Variants in CRACR2A observed in about 807,000 individuals in gnomAD.
The protein encoded by CRACR2A is calcium release activated channel regulator 2A.
A neutral mutation model predicts 90.5 loss-of-function variants in CRACR2A; 79 were observed. The ratio of observed to expected loss-of-function variants is 0.87; its 90% CI spans 0.73 to 1.05. The LOEUF (loss-of-function observed/expected upper bound fraction) is 1.05, where lower values mean the gene tolerates loss of function less well. Among genes scored for constraint, CRACR2A ranks in the 50% least tolerant of loss-of-function variants. CRACR2A has a pLI of 0.00. For missense variants in CRACR2A, 823 were observed against 897.2 expected (o/e 0.92, Z 1.06); for synonymous variants, 338 against 356.7 (o/e 0.95, Z 0.59).
intron 13 of CRACR2A, among the ~76,000 whole-genome samples, chr12:3,640,145 C>T (rs1460935269): frequency 6.6e-6 from 1 of 152,254 alleles, no homozygotes; most frequent in Non-Finnish European, 1.5e-5. Context: ...ACCTGCATCA[C>T]GGCATGACTG....
At position 3,616,995 on chromosome 12, in the gene CRACR2A, G is replaced by A. The variant is rs773120957; in HGVS notation, c.2070C>T (p.Tyr690=). ...GGGACTCTTTGGTGTTGTGACCAGA[G>A]TAGGCGCTGCATTCATAGAAGATCA... ...NNLIFYECSA[Y]SGHNTKESLL... The change falls in exon 19 of 20, where the codon TAC becomes TAT. Residue 690 remains tyrosine (Y), a synonymous_variant. Transcript: ENST00000440314. 6.4e-7 allele frequency: 1 copy of A among 1,551,664 alleles called. No individual in the cohort carries two copies. The highest frequency in any genetic ancestry group is 1.2e-5 in the South Asian group (1 of 84,062).
intron 10 of CRACR2A, among the ~76,000 whole-genome samples, chr12:3,651,664 C>T (rs982595134): frequency 6.6e-6 from 1 of 152,138 alleles, no homozygotes; most frequent in Non-Finnish European, 1.5e-5. Flanking sequence ...AGTGACTAAG[C>T]CTGTTTACCT....
intron 7 of CRACR2A, among the ~76,000 whole-genome samples, chr12:3,667,227 G>A (rs138883516): frequency 1.4e-3 from 219 of 152,312 alleles, no homozygotes; most frequent in African/African-American, 4.5e-3. Context: ...AATTTCCAAG[G>A]GTCAGAGTAG....
chr12:3,702,395 T>TA (rs923003947), intron 3 of CRACR2A, among the ~76,000 whole-genome samples: 18 of 151,972 alleles, frequency 1.2e-4, no homozygotes, highest in African/African-American at 4.1e-4. Context: ...AGTGCTTATA[T>TA]AAAAAAAATC....
At chr12:3,749,925 A>AT (rs935674065) in intron 1 of CRACR2A, among the ~76,000 whole-genome samples, 1 of 150,700 alleles carries the variant, frequency 6.6e-6, no homozygotes, top group Non-Finnish European at 1.5e-5. Context: ...CCCCAGGGCT[A>AT]TTTTTTTTAT....
At chr12:3,712,040 C>T (rs1319328244) in intron 3 of CRACR2A, among the ~76,000 whole-genome samples, 1 of 152,200 alleles carries the variant, frequency 6.6e-6, no homozygotes, top group Non-Finnish European at 1.5e-5. Flanking sequence ...TCTTAGCCAA[C>T]AGTTCCCAAT....
At chr12:3,670,960 A>T (rs1350390276) in intron 7 of CRACR2A, among the ~76,000 whole-genome samples, 5 of 152,198 alleles carry the variant, frequency 3.3e-5, no homozygotes, top group African/African-American at 1.2e-4. Context: ...CTGACTGAGG[A>T]TGGGCATGGA....
At chr12:3,641,212 C>T (rs949621336) in intron 13 of CRACR2A, among the ~76,000 whole-genome samples, 5 of 152,024 alleles carry the variant, frequency 3.3e-5, no homozygotes, top group Admixed American at 1.3e-4. Context: ...GGCGTGGTGG[C>T]GCACCTCTGT....
At chr12:3,688,971 T>C (rs949675464) in intron 4 of CRACR2A, among the ~76,000 whole-genome samples, 2 of 152,228 alleles carry the variant, frequency 1.3e-5, no homozygotes, top group Non-Finnish European at 2.9e-5. Context: ...CAATTGTGAA[T>C]GGGAATATCT....
In CRACR2A at chr12:3,654,090, C is replaced by A. The variant is rs373804762; in HGVS notation, c.1046+122G>T. The A allele has an allele frequency of 2.1e-4, 234 of 1,138,678 alleles. 1 individual carries two copies. The South Asian group carries it at 3.3e-3, about 16-fold the overall frequency. The allele number at this position is 1,138,678 out of a possible 1,614,324, so 70.5% of individuals were successfully genotyped here. Reference sequence around the variant, plus strand: ...GGAGTGTTAGAAGAGTCTCAGGGAGCAACAAGCCCAAATCCTCTTTTCACA... The same window carrying A: ...GGAGTGTTAGAAGAGTCTCAGGGAGAAACAAGCCCAAATCCTCTTTTCACA... On this transcript the variant is annotated intron_variant, in intron 10 of 19. Coordinates refer to ENST00000440314, the MANE Select transcript of CRACR2A (RefSeq NM_001144958.2).
chr12:3,646,695 C>T (rs541427894), intron 11 of CRACR2A, among the ~76,000 whole-genome samples: 5 of 152,278 alleles, frequency 3.3e-5, no homozygotes, highest in East Asian at 1.9e-4. Flanking sequence ...CCTCGCTCCG[C>T]GCGGAGCTGT....
At chr12:3,640,505 C>T (rs930558195) in intron 13 of CRACR2A, 14 of 1,204,824 alleles carry the variant, frequency 1.2e-5, no homozygotes, top group African/African-American at 1.1e-4. Context: ...AATCAGTAAA[C>T]GTCTGCTGAA....
At chr12:3,705,189 C>T (rs558761735) in intron 3 of CRACR2A, among the ~76,000 whole-genome samples, 2 of 152,302 alleles carry the variant, frequency 1.3e-5, no homozygotes, top group South Asian at 4.1e-4. Flanking sequence ...AGAGAAAATA[C>T]TTTTTATCTG....
chr12:3,659,688 G>T (rs745693043), intron 7 of CRACR2A, 34 bp from the exon 8 acceptor site: 4 of 1,558,522 alleles, frequency 2.6e-6, no homozygotes, highest in Non-Finnish European at 1.8e-6. Flanking sequence ...TCTCATTGAG[G>T]TTCCCCTACT....
At chr12:3,670,762 G>A (rs1488601415) in intron 7 of CRACR2A, among the ~76,000 whole-genome samples, 1 of 152,190 alleles carries the variant, frequency 6.6e-6, no homozygotes, top group Non-Finnish European at 1.5e-5. Context: ...AAGAGCTCCA[G>A]TCCTTCCTGC....
chr12:3,666,656 G>A (rs146153849), intron 7 of CRACR2A, among the ~76,000 whole-genome samples: 57 of 152,348 alleles, frequency 3.7e-4, no homozygotes, highest in African/African-American at 1.3e-3. Flanking sequence ...AAGGTGCTAC[G>A]CCGGAGCGAG....
At chr12:3,713,685 G>GA (rs1288990360) in intron 2 of CRACR2A, among the ~76,000 whole-genome samples, 1 of 152,190 alleles carries the variant, frequency 6.6e-6, no homozygotes, top group Non-Finnish European at 1.5e-5. Context: ...CCAATCCACA[G>GA]ACGCTGTCTA....
At chr12:3,620,690 T>C (rs577955831) in intron 17 of CRACR2A, among the ~76,000 whole-genome samples, 1 of 152,338 alleles carries the variant, frequency 6.6e-6, no homozygotes, top group Non-Finnish European at 1.5e-5. Context: ...TAGATTCTTA[T>C]TTCCAATCAA....
At chr12:3,648,724 G>C (rs1361280824) in intron 10 of CRACR2A, 111 bp from the exon 11 acceptor site, 34 of 1,445,982 alleles carry the variant, frequency 2.4e-5, no homozygotes, top group Non-Finnish European at 2.6e-5. Flanking sequence ...GAGGGCATTG[G>C]AGGAACGTGG....
Sources: allele counts gnomAD v4.1 joint callset (sites outside exome capture counted in the v4.1 genomes callset), GRCh38; gene constraint gnomAD v4.1.1; transcripts MANE v1.5; gene names NCBI Gene and HGNC (gene_info 2026-07-23, HGNC 2026-07-21).